DNAJB12: variants seen among roughly 807,000 people sequenced by gnomAD.
The protein encoded by DNAJB12 is DnaJ heat shock protein family (Hsp40) member B12.
Under a neutral mutation model 40.6 loss-of-function variants are expected in DNAJB12, and 14 were observed. The ratio of observed to expected loss-of-function variants is 0.34; its 90% CI spans 0.23 to 0.54. DNAJB12 has a LOEUF of 0.54. DNAJB12 is among the 20% of genes least tolerant of loss of function. The probability of loss-of-function intolerance (pLI) is 0.92; values close to 1 mark genes in which losing one functional copy is unlikely to be tolerated. For synonymous variants in DNAJB12, 181 were observed against 199.5 expected (o/e 0.91, Z 0.78); for missense variants, 444 against 501.7 (o/e 0.89, Z 1.10).
chr10:72,346,961 GTTT>G (rs1300875726), intron 1 of DNAJB12, among the ~76,000 whole-genome samples: 8 of 142,220 alleles, frequency 5.6e-5, no homozygotes, highest in Admixed American at 4.2e-4. Context: ...TTTACCATTG[GTTT>G]TTTTTTTTTT....
intron 1 of DNAJB12, among the ~76,000 whole-genome samples, chr10:72,349,238 C>T (rs1861874913): frequency 1.3e-5 from 2 of 151,866 alleles, no homozygotes; most frequent in African/African-American, 2.4e-5. Context: ...GCACCTGTGC[C>T]GAGTCTGACA....
At chr10:72,344,602 G>A (rs1861730482) in intron 2 of DNAJB12, among the ~76,000 whole-genome samples, 1 of 152,244 alleles carries the variant, frequency 6.6e-6, no homozygotes, top group African/African-American at 2.4e-5. Flanking sequence ...GGTAGAATCT[G>A]GAGGGGGAGA....
chr10:72,334,546 C>T lies in DNAJB12; in HGVS notation c.*102G>A. The T allele has an allele frequency of 1.3e-6, 2 of 1,534,792 alleles. No individual in the cohort carries two copies. The highest frequency in any genetic ancestry group is 1.7e-6 in the Non-Finnish European group (2 of 1,145,812). ...ATTTTAATTTTGTTTCTTTGTTTGT[C>T]TTTCCTCAAATATACAGTCCATCAC... is the stretch of plus-strand genomic sequence containing the variant. On this transcript the variant is annotated 3_prime_UTR_variant, in exon 9 of 9. Transcript: ENST00000444643.
rs144169104 is a variant in DNAJB12, at chr10:72,337,521, C to T, written c.833+681G>A. Among the ~76,000 whole-genome samples the T allele has an allele frequency of 1.7e-4, 26 of 152,338 alleles. No individual in the cohort carries two copies. The East Asian group carries it at 4.6e-3, about 27-fold the overall frequency. Reference sequence around the variant, plus strand: ...TGTCCTCAAGTTCACTCCTGGCAGTCGAGACTAAGCATTCATTAAACTAAT... The same window carrying T: ...TGTCCTCAAGTTCACTCCTGGCAGTTGAGACTAAGCATTCATTAAACTAAT... On this transcript the variant is annotated intron_variant, in intron 6 of 8. Transcript: ENST00000444643.
At position 72,341,053 on chromosome 10, in the gene DNAJB12, C is replaced by T. The variant is rs11552373; in HGVS notation, c.575G>A (p.Arg192His). The T allele has an allele frequency of 2.8e-3, 4,526 of 1,614,162 alleles. 12 individuals carry two copies. Among genetic ancestry groups the T allele is most frequent in the Non-Finnish European group, 3.4e-3 (4,024 of 1,180,024 alleles). The change falls in exon 4 of 9, where the codon CGT (arginine) becomes CAT (histidine). Residue 192 changes from arginine to histidine, a missense_variant. Arg to His is a conservative substitution (Grantham distance 29, BLOSUM62 0). Transcript: ENST00000444643. ...AGGGGAGATGTCGGCCTCAAAGCCA[C>T]GGTGGAAATCCCCATGCCCATGGCC... is the stretch of plus-strand genomic sequence containing the variant. ...RHGHGHGDFH[R>H]GFEADISPED...
intron 2 of DNAJB12, among the ~76,000 whole-genome samples, chr10:72,344,046 T>C (rs1861715453): frequency 6.6e-6 from 1 of 152,128 alleles, no homozygotes; most frequent in South Asian, 2.1e-4. Context: ...TGAGCCACCA[T>C]GCTCAGCCCA....
At chr10:72,353,606 C>T (rs1861987698) in intron 1 of DNAJB12, 1 of 152,288 alleles carries the variant, frequency 6.6e-6, no homozygotes, top group Non-Finnish European at 1.5e-5. Flanking sequence ...CTGGGCATCC[C>T]TTACCTCAGA....
intron 1 of DNAJB12, among the ~76,000 whole-genome samples, chr10:72,345,569 CAAAAAA>C (rs34465078): frequency 1.1e-5 from 1 of 92,290 alleles, no homozygotes; most frequent in African/African-American, 3.8e-5. Context: ...GACCCTGTCT[CAAAAAA>C]AAAAAAAAAA....
rs1861417599 is a variant in DNAJB12 at position 72,334,689 on chromosome 10, G to A, written c.*31-72C>T. On this transcript the variant is annotated intron_variant, in intron 8 of 8. Coordinates refer to ENST00000444643, the MANE Select transcript of DNAJB12 (RefSeq NM_017626.7). ...GGCTCCTCTAGCTTATGCCACACAA[G>A]TAGCCCCCCTTGCCACTGCACCGCT... 3 of 1,488,954 alleles carry A rather than the reference G, an allele frequency of 2.0e-6. No individual in the cohort carries two copies. In the East Asian group the frequency reaches 7.7e-5, roughly 38 times the overall value. 92.2% of individuals were successfully genotyped at this position (1,488,954 alleles called of 1,614,324 possible). A position where few individuals can be genotyped will look rare whatever the true frequency, so the allele number is the denominator to read the frequency against.
chr10:72,338,393 T>C, intron 5 of DNAJB12, 82 bp from the exon 6 acceptor site: 1 of 1,171,622 alleles, frequency 8.5e-7, no homozygotes, highest in Non-Finnish European at 1.3e-6. Context: ...TCCCCTAGAA[T>C]AGTGGAGCCT....
At position 72,341,152 on chromosome 10, in the gene DNAJB12, G is replaced by A; in HGVS notation, c.476C>T (p.Ala159Val). The A allele has an allele frequency of 1.9e-6, 3 of 1,609,762 alleles. No individual in the cohort carries two copies. The highest frequency in any genetic ancestry group is 1.1e-5 in the South Asian group (1 of 91,020). ...EAFKAIGTAY[A>V]VLSNPEKRKQ... is the part of the protein sequence containing the mutation. Reference sequence around the variant, plus strand: ...CCTCTTCTCCGGGTTGCTGAGTACCGCATATGCTGTGCCAATGGCTGGAGA... The same window carrying A: ...CCTCTTCTCCGGGTTGCTGAGTACCACATATGCTGTGCCAATGGCTGGAGA... Residue 159 changes from alanine (A) to valine (V), a missense_variant, in exon 4 of 9, where the codon GCG becomes GTG. By Grantham distance (64) the Ala-to-Val change is moderately conservative (BLOSUM62 0). Transcript: ENST00000444643.
At position 72,343,512 on chromosome 10, in the gene DNAJB12, C is replaced by T; in HGVS notation, c.312-1G>A. 6.2e-7 allele frequency: 1 copy of T among 1,614,062 alleles called. No individual in the cohort carries two copies. The highest frequency in any genetic ancestry group is 8.5e-7 in the Non-Finnish European group (1 of 1,179,986). Reference sequence around the variant, plus strand: ...ATAGTAATCTTTACATTGCTTGACCCTGGGGAAGGAGGAGACCATGGTACG... The same window carrying T: ...ATAGTAATCTTTACATTGCTTGACCTTGGGGAAGGAGGAGACCATGGTACG... On this transcript the variant is annotated splice_acceptor_variant, in intron 2 of 8. Coordinates refer to ENST00000444643, the MANE Select transcript of DNAJB12 (RefSeq NM_017626.7). LOFTEE classifies it high-confidence loss of function.
intron 3 of DNAJB12, among the ~76,000 whole-genome samples, chr10:72,342,427 T>G (rs1181452302): frequency 1.3e-5 from 2 of 152,208 alleles, no homozygotes; most frequent in African/African-American, 2.4e-5. Flanking sequence ...AGAGCTGGCC[T>G]CTCGGTACAG....
chr10:72,344,606 G>A (rs770599303), intron 2 of DNAJB12, among the ~76,000 whole-genome samples: 1 of 152,226 alleles, frequency 6.6e-6, no homozygotes, highest in Admixed American at 6.5e-5. Context: ...GAATCTGGAG[G>A]GGGAGACAAA....
chr10:72,354,859 G>GCAT lies in DNAJB12; in HGVS notation c.38_39insATG (p.Ser13delinsArgCys). 6.2e-7 allele frequency: 1 copy of GCAT among 1,614,120 alleles called. No homozygotes were observed. The highest frequency in any genetic ancestry group is 2.2e-5 in the East Asian group (1 of 44,876). On this transcript the variant is annotated protein_altering_variant, in exon 1 of 9. Coordinates refer to ENST00000444643, the MANE Select transcript of DNAJB12 (RefSeq NM_017626.7). ...TGCTCTGGATGGCCTTGAGGGCGATGCTGATACAGCGCTCAGCTTCATCCT... is the reference window on the plus strand; with the variant it reads ...TGCTCTGGATGGCCTTGAGGGCGATGCATCTGATACAGCGCTCAGCTTCATCCT...
At chr10:72,341,435 G>A (rs1015331468) in intron 3 of DNAJB12, among the ~76,000 whole-genome samples, 1 of 152,130 alleles carries the variant, frequency 6.6e-6, no homozygotes, top group Admixed American at 6.5e-5. Context: ...AATGTGCCAG[G>A]CCTCCTAGGA....
chr10:72,352,467 C>T (rs1474066402), intron 1 of DNAJB12, among the ~76,000 whole-genome samples: 6 of 152,116 alleles, frequency 3.9e-5, no homozygotes, highest in Non-Finnish European at 8.8e-5. Context: ...AGCATTCCCT[C>T]ACTGTGAGAT....
Position 72,335,192 on chromosome 10 carries a change from G to C in DNAJB12, c.*31-575C>G. The C allele has an allele frequency of 1.0e-6, 1 of 987,118 alleles. No homozygotes were observed. Among genetic ancestry groups the C allele is most frequent in the Non-Finnish European group, 1.2e-6 (1 of 830,670 alleles). 61.1% of individuals were successfully genotyped at this position (987,118 alleles called of 1,614,324 possible). ...AGATCCCACCAGAGGGGGGTGGTCA[G>C]GGCCCGCGGCCCCTGCCGCCACCAA... On this transcript the variant is annotated intron_variant, in intron 8 of 8. Coordinates refer to ENST00000444643, the MANE Select transcript of DNAJB12 (RefSeq NM_017626.7). The surrounding 1 kb of genome is among the most constrained non-coding windows in gnomAD (Gnocchi z 4.4).
intron 5 of DNAJB12, among the ~76,000 whole-genome samples, chr10:72,340,068 A>G (rs2131985379): frequency 6.6e-6 from 1 of 152,254 alleles, no homozygotes; most frequent in East Asian, 1.9e-4. Flanking sequence ...TCAGTGGCAG[A>G]GCGCAGTGGC....
Sources: gnomAD v4.1 joint callset for allele counts (sites outside exome capture counted in the v4.1 genomes callset) on GRCh38, gnomAD v4.1.1 for gene constraint, Gnocchi (gnomAD v3.1) non-coding constraint, MANE v1.5 for transcripts, NCBI Gene and HGNC (gene_info 2026-07-23, HGNC 2026-07-21) for gene names.